Variants in VPS8 observed in about 807,000 individuals in gnomAD.
The protein encoded by VPS8 is VPS8 subunit of CORVET complex, also known as vacuolar protein sorting-associated protein 8 homolog.
Under a neutral mutation model 216.4 loss-of-function variants are expected in VPS8, and 129 were observed. The ratio of observed to expected loss-of-function variants is 0.60; its 90% confidence interval spans 0.52 to 0.69. VPS8 has a LOEUF of 0.69. VPS8 is among the 30% of genes least tolerant of loss of function. The pLI, the probability that VPS8 is intolerant of heterozygous loss-of-function variation, is 0.00. For synonymous variants in VPS8, 571 were observed against 565.4 expected (o/e 1.01, Z -0.14); for missense variants, 1,531 against 1,683.5 (o/e 0.91, Z 1.59).
At chr3:184,921,131 A>G (rs558985774) in intron 29 of VPS8, among the ~76,000 whole-genome samples, 17 of 152,240 alleles carry the variant, frequency 1.1e-4, no homozygotes, top group Admixed American at 8.5e-4. Flanking sequence ...CTTCTACCTA[A>G]TACTCTTCCA....
intron 21 of VPS8, among the ~76,000 whole-genome samples, chr3:184,883,752 C>T (rs1465209766): frequency 6.6e-6 from 1 of 152,040 alleles, no homozygotes; most frequent in Non-Finnish European, 1.5e-5. Context: ...TCCATTAAGC[C>T]CTACAGTATA....
intron 25 of VPS8, among the ~76,000 whole-genome samples, chr3:184,903,728 G>A (rs1734996842): frequency 6.6e-6 from 1 of 152,124 alleles, no homozygotes; most frequent in South Asian, 2.1e-4. Flanking sequence ...GATTACAGGT[G>A]TGAGCCACTG....
rs1718311121 is a variant in VPS8, at chr3:184,824,579, A to G, written c.-54A>G. The G allele has an allele frequency of 1.3e-6, 2 of 1,567,252 alleles. No homozygotes were observed. Among genetic ancestry groups the G allele is most frequent in the Non-Finnish European group, 1.7e-6 (2 of 1,154,806 alleles). ...TTCAGGTCTTCGTGAGCTAAGGCCA[A>G]ACAAACAAAAAACACTTGCTTTGAT... On this transcript the variant is annotated 5_prime_UTR_variant, in exon 2 of 48. Coordinates refer to ENST00000625842, the MANE Select transcript of VPS8 (RefSeq NM_001009921.3).
Position 184,981,617 on chromosome 3 carries a change from G to A in VPS8, c.3421-949G>A, listed in dbSNP as rs190928020. Among the ~76,000 whole-genome samples the A allele has an allele frequency of 2.2e-3, 339 of 151,914 alleles. 1 individual carries two copies. The highest frequency in any genetic ancestry group is 7.9e-3 in the African/African-American group (327 of 41,396). ...CCTGGCTAATTTTTTTGTATTTTTA[G>A]TAGAGACGGGGTTTCACCATGTTGC... On this transcript the variant is annotated intron_variant, in intron 40 of 47. Coordinates refer to ENST00000625842, the MANE Select transcript of VPS8 (RefSeq NM_001009921.3).
intron 25 of VPS8, among the ~76,000 whole-genome samples, chr3:184,904,815 A>T (rs1286210402): frequency 1.3e-5 from 2 of 152,184 alleles, no homozygotes; most frequent in Non-Finnish European, 2.9e-5. Flanking sequence ...TTCACTATGA[A>T]GCCATATGGG....
At chr3:184,851,915 CTTA>C (rs1369868758) in intron 10 of VPS8, among the ~76,000 whole-genome samples, 1 of 152,174 alleles carries the variant, frequency 6.6e-6, no homozygotes, top group Non-Finnish European at 1.5e-5. Flanking sequence ...GTGAACATGA[CTTA>C]TTATTCTGAG....
chr3:184,978,216 T>C (rs113457787), intron 40 of VPS8, among the ~76,000 whole-genome samples: 8 of 152,296 alleles, frequency 5.3e-5, no homozygotes, highest in African/African-American at 1.9e-4. Context: ...TTCTAGTTTG[T>C]GTGCATAGAG....
chr3:185,012,739 T>C (rs1755200543), intron 45 of VPS8, among the ~76,000 whole-genome samples: 1 of 151,996 alleles, frequency 6.6e-6, no homozygotes, highest in South Asian at 2.1e-4. Flanking sequence ...GGTGCACGTA[T>C]TGTATGTGAC....
At chr3:184,970,057 C>T (rs190308572) in intron 39 of VPS8, among the ~76,000 whole-genome samples, 70 of 149,854 alleles carry the variant, frequency 4.7e-4, no homozygotes, top group African/African-American at 1.3e-3. Context: ...GTTACAGGCA[C>T]CAGCCACCAC....
intron 36 of VPS8, among the ~76,000 whole-genome samples, chr3:184,949,377 C>A (rs530988338): frequency 2.0e-5 from 3 of 152,140 alleles, no homozygotes; most frequent in African/African-American, 7.2e-5. Flanking sequence ...GACCAAATCC[C>A]CTACAGCCAG....
At chr3:184,975,600 G>A (rs73188879) in intron 40 of VPS8, among the ~76,000 whole-genome samples, 9,789 of 152,062 alleles carry the variant, frequency 0.064, 436 homozygotes, top group Non-Finnish European at 0.085. Context: ...AATAACAGTG[G>A]TAAAAGTGGG....
intron 27 of VPS8, 91 bp from the exon 28 acceptor site, chr3:184,915,264 C>CTGCCT: frequency 6.8e-7 from 1 of 1,481,110 alleles, no homozygotes; most frequent in African/African-American, 1.4e-5. Flanking sequence ...TGAATTCAGC[C>CTGCCT]TGCCTTTATT....
chr3:184,823,293 G>A (rs1190325262), intron 1 of VPS8, among the ~76,000 whole-genome samples: 3 of 152,228 alleles, frequency 2.0e-5, no homozygotes, highest in Non-Finnish European at 4.4e-5. Flanking sequence ...CTGGAGGATG[G>A]CTTGAGCCCA....
intron 46 of VPS8, among the ~76,000 whole-genome samples, chr3:185,037,320 T>C (rs1174723291): frequency 1.3e-5 from 2 of 152,146 alleles, no homozygotes; most frequent in East Asian, 3.8e-4. Flanking sequence ...GTTAGTTTTA[T>C]TGGGGTTCTT....
Position 184,870,476 on chromosome 3 carries a change from G to GAT in VPS8, c.1645-239_1645-238dup, listed in dbSNP as rs578094410. 1.7e-4 allele frequency among the ~76,000 whole-genome samples: 26 copies of GAT among 152,318 alleles called. No homozygotes were observed. The East Asian group carries it at 4.8e-3, about 28-fold the overall frequency. The stretch of plus-strand genomic sequence containing the variant: ...AATGTTTCATTTCCTGAGCAGTATA[G>GAT]ATGCCACTGAGGTCTAGAACATGGA... On this transcript the variant is annotated intron_variant, in intron 20 of 47. Coordinates refer to ENST00000625842, the MANE Select transcript of VPS8 (RefSeq NM_001009921.3).
chr3:185,051,470 T>G (rs6771621), intron 47 of VPS8, among the ~76,000 whole-genome samples: 72,216 of 151,010 alleles, frequency 0.48, 17,466 homozygotes, highest in East Asian at 0.67. Flanking sequence ...GATGGAGAGG[T>G]TGGAACAAGC....
At chr3:184,929,025 T>C (rs1050426965) in intron 32 of VPS8, among the ~76,000 whole-genome samples, 1 of 152,220 alleles carries the variant, frequency 6.6e-6, no homozygotes, top group African/African-American at 2.4e-5. Context: ...TCTTATGTGA[T>C]ACACTATTGT....
chr3:184,963,754 G>C (rs1746932984), intron 37 of VPS8, among the ~76,000 whole-genome samples: 1 of 151,970 alleles, frequency 6.6e-6, no homozygotes, highest in Non-Finnish European at 1.5e-5. Flanking sequence ...TTTATCATAG[G>C]ATTTTGGTAG....
intron 42 of VPS8, among the ~76,000 whole-genome samples, chr3:184,986,867 C>T (rs549112911): frequency 1.7e-3 from 260 of 152,178 alleles, no homozygotes; most frequent in African/African-American, 6.0e-3. Flanking sequence ...GTTTTGCCTA[C>T]GGTTAACATT....
Sources: gnomAD v4.1 joint callset for allele counts (sites outside exome capture counted in the v4.1 genomes callset) on GRCh38, gnomAD v4.1.1 for gene constraint, MANE v1.5 for transcripts, NCBI Gene and HGNC (gene_info 2026-07-23, HGNC 2026-07-21) for gene names.